GARNL3: variants seen among roughly 807,000 people sequenced by gnomAD.
GARNL3 encodes GTPase-activating Rap/Ran-GAP domain-like protein 3.
Under a neutral mutation model 125.0 loss-of-function variants are expected in GARNL3, and 63 were observed. The observed-to-expected ratio is 0.50, with a 90% CI of 0.41 to 0.62. The LOEUF is 0.62. Ranked by LOEUF, GARNL3 falls within the 20% of genes least tolerant of loss-of-function variation. GARNL3 has a pLI of 0.00. For synonymous variants in GARNL3, 439 were observed against 457.5 expected (o/e 0.96, Z 0.52); for missense variants, 994 against 1,244.0 (o/e 0.80, Z 3.02).
chr9:127,351,724 A>G (rs1264122796), intron 17 of GARNL3, among the ~76,000 whole-genome samples: 1 of 152,228 alleles, frequency 6.6e-6, no homozygotes, highest in Non-Finnish European at 1.5e-5. Context: ...TTAAAAATCA[A>G]GACCTTTTGT....
chr9:127,381,493 T>G (rs1247146428), intron 22 of GARNL3, among the ~76,000 whole-genome samples: 1 of 152,166 alleles, frequency 6.6e-6, no homozygotes, highest in East Asian at 1.9e-4. Flanking sequence ...CTTCTCAGAG[T>G]AACACTACCA....
At position 127,389,052 on chromosome 9, in the gene GARNL3, G is replaced by C. The variant is rs776796001; in HGVS notation, c.2676G>C (p.Thr892=). The change falls in exon 26 of 28, where the codon ACG becomes ACC. Residue 892 remains threonine, a synonymous_variant. Coordinates refer to ENST00000373387, the MANE Select transcript of GARNL3 (RefSeq NM_032293.5). The stretch of plus-strand genomic sequence containing the variant: ...TGGGCCTTGCTGCCATTCCAGTCAC[G>C]CACTCCTTGTCCCTGTCTCGCATGG... ...ISVGLAAIPV[T]HSLSLSRMEI... The C allele has an allele frequency of 1.9e-6, 3 of 1,613,932 alleles. No individual in the cohort carries two copies. The highest frequency in any genetic ancestry group is 3.3e-5 in the Admixed American group (2 of 59,996).
Position 127,385,243 on chromosome 9 carries a change from T to C in GARNL3, c.2388+98T>C. ...GAAGCCGCCTCTTGTCAAGTTAGGC[T>C]GATGAAGACCGGTGTCAGAATGCCA... is the stretch of plus-strand genomic sequence containing the variant. On this transcript the variant is annotated intron_variant, in intron 24 of 27. Transcript: ENST00000373387. This position sits in a 1 kb window ranked among gnomAD's most constrained non-coding sequence, Gnocchi z 4.1. 1.6e-6 allele frequency: 1 copy of C among 635,938 alleles called. No individual in the cohort carries two copies. Among genetic ancestry groups the C allele is most frequent in the Non-Finnish European group, 2.7e-6 (1 of 370,330 alleles). The allele number at this position is 635,938 out of a possible 1,614,324, so 39.4% of individuals were successfully genotyped here.
intron 4 of GARNL3, among the ~76,000 whole-genome samples, chr9:127,315,286 A>C (rs1419046011): frequency 6.6e-6 from 1 of 152,090 alleles, no homozygotes; most frequent in Non-Finnish European, 1.5e-5. Flanking sequence ...GAAATATGTG[A>C]TTCAACCCTC....
At chr9:127,275,641 A>C (rs562410350) in intron 1 of GARNL3, among the ~76,000 whole-genome samples, 6 of 152,216 alleles carry the variant, frequency 3.9e-5, no homozygotes, top group African/African-American at 7.2e-5. Context: ...TTATATCACT[A>C]ATCAAATTTA....
intron 9 of GARNL3, among the ~76,000 whole-genome samples, chr9:127,334,446 C>T (rs1321135980): frequency 6.6e-6 from 1 of 152,144 alleles, no homozygotes; most frequent in Non-Finnish European, 1.5e-5. Context: ...ATTCTGAATT[C>T]GGGAGAGCTA....
chr9:127,269,558 T>C (rs1356499261), intron 1 of GARNL3, among the ~76,000 whole-genome samples: 1 of 152,228 alleles, frequency 6.6e-6, no homozygotes, highest in Non-Finnish European at 1.5e-5. Context: ...TTTCTATTTC[T>C]CCACAATCTT....
At chr9:127,315,009 A>G (rs976330525) in intron 4 of GARNL3, among the ~76,000 whole-genome samples, 2 of 152,168 alleles carry the variant, frequency 1.3e-5, no homozygotes, top group Non-Finnish European at 2.9e-5. Context: ...GTATTAGAGA[A>G]GCCAAGGAGG....
intron 1 of GARNL3, among the ~76,000 whole-genome samples, chr9:127,234,261 G>A (rs1007713911): frequency 6.6e-6 from 1 of 152,168 alleles, no homozygotes; most frequent in Non-Finnish European, 1.5e-5. Flanking sequence ...CTTTCTTGGA[G>A]GAAGACAATA....
At chr9:127,287,990 T>C (rs1357376234) in intron 1 of GARNL3, among the ~76,000 whole-genome samples, 1 of 152,220 alleles carries the variant, frequency 6.6e-6, no homozygotes, top group Non-Finnish European at 1.5e-5. Context: ...ATTCCCATAT[T>C]TCTTGTTTAT....
Position 127,389,103 on chromosome 9 carries a change from C to A in GARNL3, c.2727C>A (p.Thr909=). 6.2e-7 allele frequency: 1 copy of A among 1,613,282 alleles called. No homozygotes were observed. Among genetic ancestry groups the A allele is most frequent in the Non-Finnish European group, 8.5e-7 (1 of 1,179,238 alleles). Reference sequence around the variant, plus strand: ...AGATCAAAGAAATAGCAAGCAGGACCCGCAGGGAACTACTGGGTAATGGTT... The same window carrying A: ...AGATCAAAGAAATAGCAAGCAGGACACGCAGGGAACTACTGGGTAATGGTT... ...RMEIKEIASR[T]RRELLGLSDE... is the part of the protein sequence containing the mutation. The change falls in exon 26 of 28, where the codon ACC becomes ACA. Residue 909 remains threonine, a synonymous_variant. Coordinates refer to ENST00000373387, the MANE Select transcript of GARNL3 (RefSeq NM_032293.5).
chr9:127,287,459 TAA>T (rs1447525147), intron 1 of GARNL3, among the ~76,000 whole-genome samples: 2 of 152,256 alleles, frequency 1.3e-5, no homozygotes, highest in African/African-American at 4.8e-5. Flanking sequence ...TGTACTGCGT[TAA>T]AAAGATTTTC....
At chr9:127,383,612 C>A (rs770333727) in intron 23 of GARNL3, 67 bp downstream of exon 23, 4 of 1,024,586 alleles carry the variant, frequency 3.9e-6, no homozygotes, top group Non-Finnish European at 5.9e-6. Context: ...GTAAGCAAAT[C>A]CTATGTAAGC....
At chr9:127,382,262 T>C (rs1287653106) in intron 22 of GARNL3, among the ~76,000 whole-genome samples, 1 of 152,022 alleles carries the variant, frequency 6.6e-6, no homozygotes, top group African/African-American at 2.4e-5. Context: ...ATCTCACCAT[T>C]GCACTCCAGT....
At chr9:127,318,388 T>C (rs760663074) in intron 5 of GARNL3, among the ~76,000 whole-genome samples, 52 of 152,210 alleles carry the variant, frequency 3.4e-4, no homozygotes, top group Non-Finnish European at 6.6e-4. Flanking sequence ...AGCAAGTGTG[T>C]AGTGGAACCA....
chr9:127,233,842 G>A (rs915469680), intron 1 of GARNL3, among the ~76,000 whole-genome samples: 7 of 152,162 alleles, frequency 4.6e-5, no homozygotes, highest in Non-Finnish European at 8.8e-5. Flanking sequence ...TCCATTATGC[G>A]TCGGGGTGCC....
At chr9:127,318,511 A>G (rs144766462) in intron 5 of GARNL3, among the ~76,000 whole-genome samples, 101 of 152,342 alleles carry the variant, frequency 6.6e-4, no homozygotes, top group African/African-American at 2.4e-3. Flanking sequence ...TTAGTTTTAT[A>G]AAGATAATCA....
At chr9:127,313,654 C>A in intron 4 of GARNL3, 95 bp downstream of exon 4, 1 of 859,804 alleles carries the variant, frequency 1.2e-6, no homozygotes, top group Non-Finnish European at 2.0e-6. Flanking sequence ...TCTTCCAGGG[C>A]ATGCCTCATA....
At position 127,385,161 on chromosome 9, in the gene GARNL3, A is replaced by T; in HGVS notation, c.2388+16A>T. ...GGCCTCCAGGGTGAGTAGGACTGGG[A>T]TTTTATCTCTGAGTGGTTTGGGGGA... is the stretch of plus-strand genomic sequence containing the variant. On this transcript the variant is annotated intron_variant, in intron 24 of 27. Transcript: ENST00000373387. This position sits in a 1 kb window ranked among gnomAD's most constrained non-coding sequence, Gnocchi z 4.1. 6.5e-7 allele frequency: 1 copy of T among 1,532,378 alleles called. No individual in the cohort carries two copies. Among genetic ancestry groups the T allele is most frequent in the Non-Finnish European group, 8.9e-7 (1 of 1,117,822 alleles). The allele number at this position is 1,532,378 out of a possible 1,614,324, so 94.9% of individuals were successfully genotyped here.
Sources: allele counts gnomAD v4.1 joint callset (sites outside exome capture counted in the v4.1 genomes callset), GRCh38; gene constraint gnomAD v4.1.1; non-coding constraint Gnocchi (gnomAD v3.1); transcripts MANE v1.5; gene names NCBI Gene and HGNC (gene_info 2026-07-23, HGNC 2026-07-21).